The following RSRC1 variants were observed in gnomAD, a reference collection of about 807,000 sequenced individuals.
The protein encoded by RSRC1 is serine/Arginine-related protein 53.
A neutral mutation model predicts 49.1 loss-of-function variants in RSRC1; 39 were observed. The observed-to-expected ratio is 0.79, with a 90% CI of 0.61 to 1.04. The LOEUF (loss-of-function observed/expected upper bound fraction) is 1.04, where lower values mean the gene tolerates loss of function less well. Among genes scored for constraint, RSRC1 ranks in the 50% least tolerant of loss-of-function variants. The probability of loss-of-function intolerance (pLI) is 0.00; values close to 1 mark genes in which losing one functional copy is unlikely to be tolerated. For missense variants in RSRC1, 388 were observed against 402.4 expected (o/e 0.96, Z 0.31); for synonymous variants, 143 against 130.8 (o/e 1.09, Z -0.63).
intron 3 of RSRC1, among the ~76,000 whole-genome samples, chr3:158,135,139 G>A (rs529385581): frequency 4.0e-4 from 61 of 152,218 alleles, no homozygotes; most frequent in African/African-American, 1.4e-3. Context: ...TACCGTACCA[G>A]CTAATAACAT....
intron 4 of RSRC1, among the ~76,000 whole-genome samples, chr3:158,234,905 T>C (rs984201024): frequency 6.6e-6 from 1 of 152,082 alleles, no homozygotes; most frequent in African/African-American, 2.4e-5. Context: ...CTGTAGACAT[T>C]GAATACTTTT....
intron 6 of RSRC1, among the ~76,000 whole-genome samples, chr3:158,437,900 A>T (rs1172383878): frequency 6.6e-6 from 1 of 152,180 alleles, no homozygotes; most frequent in Non-Finnish European, 1.5e-5. Flanking sequence ...AGATGACATG[A>T]CTGTATATTT....
At chr3:158,174,818 G>A (rs1200837445) in intron 3 of RSRC1, among the ~76,000 whole-genome samples, 1 of 151,838 alleles carries the variant, frequency 6.6e-6, no homozygotes, top group Non-Finnish European at 1.5e-5. Flanking sequence ...AAACCTTTTT[G>A]CTACATGTCT....
At chr3:158,237,466 T>A (rs1176670874) in intron 4 of RSRC1, among the ~76,000 whole-genome samples, 1 of 152,220 alleles carries the variant, frequency 6.6e-6, no homozygotes, top group Non-Finnish European at 1.5e-5. Flanking sequence ...AGCAAAAAGT[T>A]TCAGGTGTTG....
chr3:158,457,744 T>G (rs376835530), intron 6 of RSRC1, among the ~76,000 whole-genome samples: 3 of 117,632 alleles, frequency 2.6e-5, no homozygotes, highest in East Asian at 2.2e-4. Flanking sequence ...TTTTTTGTTT[T>G]TTTTTTTTGT....
intron 6 of RSRC1, among the ~76,000 whole-genome samples, chr3:158,369,203 G>A (rs1236016383): frequency 6.6e-6 from 1 of 151,954 alleles, no homozygotes; most frequent in Non-Finnish European, 1.5e-5. Context: ...AATATTTGGA[G>A]TTTAAGAAAA....
chr3:158,260,143 G>GAAA (rs1559966022), intron 4 of RSRC1, among the ~76,000 whole-genome samples: 1 of 151,318 alleles, frequency 6.6e-6, no homozygotes, highest in African/African-American at 2.4e-5. Context: ...TTTTCTGAAG[G>GAAA]AGGAGTCTCT....
At chr3:158,416,665 T>G (rs982624262) in intron 6 of RSRC1, among the ~76,000 whole-genome samples, 1 of 152,032 alleles carries the variant, frequency 6.6e-6, no homozygotes, top group Admixed American at 6.6e-5. Context: ...GAGGCAAGCT[T>G]CCCTGGCCAG....
intron 3 of RSRC1, among the ~76,000 whole-genome samples, chr3:158,137,655 C>CTTTTTTTT (rs11388972): frequency 7.2e-6 from 1 of 138,522 alleles, no homozygotes. Flanking sequence ...TTTTCTTTTT[C>CTTTTTTTT]TTTTTTTTTT....
At chr3:158,298,750 C>T (rs960464613) in intron 5 of RSRC1, among the ~76,000 whole-genome samples, 1 of 152,064 alleles carries the variant, frequency 6.6e-6, no homozygotes, top group South Asian at 2.1e-4. Flanking sequence ...TTAAACTGAG[C>T]GTTACAGAGT....
intron 7 of RSRC1, among the ~76,000 whole-genome samples, chr3:158,482,200 G>A (rs916282772): frequency 4.0e-5 from 6 of 150,400 alleles, no homozygotes; most frequent in Non-Finnish European, 7.4e-5. Context: ...TTTACAAAGA[G>A]AAAGCTACCA....
chr3:158,350,861 A>G (rs77772212), intron 5 of RSRC1, among the ~76,000 whole-genome samples: 1,540 of 152,352 alleles, frequency 0.01, 12 homozygotes, highest in Non-Finnish European at 0.013. Context: ...AATACATGCT[A>G]AAATAACTAA....
chr3:158,503,292 G>A (rs1203942316), intron 7 of RSRC1, among the ~76,000 whole-genome samples: 1 of 152,082 alleles, frequency 6.6e-6, no homozygotes, highest in African/African-American at 2.4e-5. Context: ...TGGAGGTATT[G>A]GGGGAGTGCA....
intron 7 of RSRC1, among the ~76,000 whole-genome samples, chr3:158,498,033 G>A (rs1020562878): frequency 1.3e-5 from 2 of 152,170 alleles, no homozygotes; most frequent in African/African-American, 2.4e-5. Context: ...AAACATGAGT[G>A]TGCAAGTATC....
intron 5 of RSRC1, among the ~76,000 whole-genome samples, chr3:158,343,052 G>A (rs1730344155): frequency 6.6e-6 from 1 of 152,176 alleles, no homozygotes; most frequent in African/African-American, 2.4e-5. Flanking sequence ...TCCTCACAGG[G>A]TGCCCCTTGA....
intron 7 of RSRC1, among the ~76,000 whole-genome samples, chr3:158,466,437 A>G (rs1737894573): frequency 6.6e-6 from 1 of 152,170 alleles, no homozygotes; most frequent in Non-Finnish European, 1.5e-5. Context: ...TTCAAGACCA[A>G]CTCAAAGCTA....
intron 4 of RSRC1, among the ~76,000 whole-genome samples, chr3:158,297,651 G>T (rs1727311243): frequency 6.6e-6 from 1 of 151,762 alleles, no homozygotes; most frequent in Non-Finnish European, 1.5e-5. Context: ...ATAGAATCTG[G>T]GTGGTGGATA....
chr3:158,401,549 G>A (rs1443323792), intron 6 of RSRC1, among the ~76,000 whole-genome samples: 2 of 151,916 alleles, frequency 1.3e-5, no homozygotes, highest in African/African-American at 2.4e-5. Flanking sequence ...CCAAACTTAA[G>A]TGGCAGTAAT....
At chr3:158,260,318 AT>A (rs902859679) in intron 4 of RSRC1, among the ~76,000 whole-genome samples, 8 of 152,104 alleles carry the variant, frequency 5.3e-5, no homozygotes, top group African/African-American at 1.9e-4. Context: ...AAGGCAGCAC[AT>A]TCTCTTCTTC....
Sources: gnomAD v4.1 joint callset for allele counts (sites outside exome capture counted in the v4.1 genomes callset) on GRCh38, gnomAD v4.1.1 for gene constraint, MANE v1.5 for transcripts, NCBI Gene and HGNC (gene_info 2026-07-23, HGNC 2026-07-21) for gene names.